Variants in LRRC37A observed in about 807,000 individuals in gnomAD.
LRRC37A encodes leucine-rich repeat-containing protein 37A.
In LRRC37A, 3 loss-of-function variants were observed where a neutral mutation model predicts 35.4. The ratio of observed to expected loss-of-function variants is 0.08; its 90% CI spans 0.04 to 0.22. The LOEUF (loss-of-function observed/expected upper bound fraction) is 0.22. Among genes scored for constraint, LRRC37A ranks in the 10% least tolerant of loss-of-function variants. LRRC37A has a pLI of 1.00. For missense variants in LRRC37A, 67 were observed against 565.3 expected (o/e 0.12, Z 8.94); for synonymous variants, 23 against 215.0 (o/e 0.11, Z 7.81).
the LRRC37A span, chr17:46,268,776 C>T: frequency 9.6e-7 from 1 of 1,037,274 alleles, no homozygotes; most frequent in Non-Finnish European, 1.3e-6. Flanking sequence ...ATGGGTCCTC[C>T]TTTAGAAGAG....
chr17:46,289,737 G>A, upstream of LRRC37A, among the ~76,000 whole-genome samples: 1 of 152,142 alleles, frequency 6.6e-6, no homozygotes, highest in Non-Finnish European at 1.5e-5. Context: ...AAATCTTATA[G>A]TCTCTCAGAA....
At chr17:46,265,320 T>G in the LRRC37A span, among the ~76,000 whole-genome samples, 1 of 142,674 alleles carries the variant, frequency 7.0e-6, no homozygotes, top group South Asian at 2.3e-4. Context: ...TTCTTCCTCT[T>G]CTTCTTTTTT....
chr17:46,288,229 C>T (rs539913818), upstream of LRRC37A, among the ~76,000 whole-genome samples: 3 of 152,042 alleles, frequency 2.0e-5, no homozygotes, highest in East Asian at 5.8e-4. Context: ...GCAGCCTGGA[C>T]CTCCCAGGCT....
the LRRC37A span, chr17:46,268,615 G>A: frequency 6.4e-7 from 1 of 1,551,220 alleles, no homozygotes; most frequent in Non-Finnish European, 8.7e-7. Flanking sequence ...CTGCTGAGGA[G>A]CAGCAGCAGC....
chr17:46,257,255 T>G, the LRRC37A span, among the ~76,000 whole-genome samples: 9 of 151,778 alleles, frequency 5.9e-5, no homozygotes, highest in African/African-American at 2.2e-4. Context: ...AAGACCAGAC[T>G]GGCCAACATG....
rs373633734 is a variant in LRRC37A at position 46,332,922 on chromosome 17, A to G, written c.4809+266A>G. On this transcript the variant is annotated intron_variant, in intron 10 of 13. Transcript: ENST00000320254. Reference sequence around the variant, plus strand: ...TTTAAGAAGTCGATATAATAGCAAAATTTCTCCCACCCAAAACTATGTCAA... The same window carrying G: ...TTTAAGAAGTCGATATAATAGCAAAGTTTCTCCCACCCAAAACTATGTCAA... Among the ~76,000 whole-genome samples, 17 of 151,554 alleles carry G rather than the reference A, an allele frequency of 1.1e-4. 1 individual carries two copies. The East Asian group carries it at 1.7e-3, about 16-fold the overall frequency.
the LRRC37A span, chr17:46,267,612 T>C: frequency 2.0e-6 from 3 of 1,538,340 alleles, no homozygotes; most frequent in Non-Finnish European, 2.7e-6. Context: ...CGTCCAGTCT[T>C]TTTTTGGGAC....
rs375082199 is a variant in LRRC37A at position 46,330,964 on chromosome 17, C to T, written c.3687C>T (p.Asn1229=). The change falls in exon 9 of 14, where the codon AAC becomes AAT. Residue 1229 remains asparagine (N), a synonymous_variant. Transcript: ENST00000320254. ...AGGGGCCTGAGAAGTTAGCGGGAAACGCCGTCTACACCAAGCCTTCGTTCA... is the reference window on the plus strand; with the variant it reads ...AGGGGCCTGAGAAGTTAGCGGGAAATGCCGTCTACACCAAGCCTTCGTTCA... 1.2e-5 allele frequency: 9 copies of T among 724,840 alleles called. 1 individual carries two copies. In the African/African-American group the frequency reaches 1.3e-4, roughly 11 times the overall value. The allele number at this position is 724,840 out of a possible 1,614,324, so 44.9% of individuals were successfully genotyped here.
chr17:46,277,203 TA>T, the LRRC37A span, among the ~76,000 whole-genome samples: 8,579 of 133,260 alleles, frequency 0.064, no homozygotes, highest in Middle Eastern at 0.1. Context: ...AAAAGCTACA[TA>T]AAATAACCAG....
the LRRC37A span, among the ~76,000 whole-genome samples, chr17:46,262,460 G>A: frequency 2.0e-5 from 3 of 152,118 alleles, no homozygotes; most frequent in South Asian, 2.1e-4. Flanking sequence ...CTATCTGCTC[G>A]CTTCAGCTTC....
Position 46,330,957 on chromosome 17 carries a change from C to T in LRRC37A, c.3680C>T (p.Ala1227Val). 5 of 724,856 alleles carry T rather than the reference C, an allele frequency of 6.9e-6. 2 individuals carry two copies. The highest frequency in any genetic ancestry group is 2.8e-5 in the South Asian group (1 of 35,972). 44.9% of individuals were successfully genotyped at this position (724,856 alleles called of 1,614,324 possible). Residue 1227 changes from alanine to valine, a missense_variant, in exon 9 of 14, where the codon GCG (alanine) becomes GTG (valine). By Grantham distance (64) the Ala-to-Val change is moderately conservative. Transcript: ENST00000320254. Reference sequence around the variant, plus strand: ...ACACAGCAGGGGCCTGAGAAGTTAGCGGGAAACGCCGTCTACACCAAGCCT... The same window carrying T: ...ACACAGCAGGGGCCTGAGAAGTTAGTGGGAAACGCCGTCTACACCAAGCCT...
chr17:46,250,337 T>G, the LRRC37A span, among the ~76,000 whole-genome samples: 2 of 152,232 alleles, frequency 1.3e-5, no homozygotes, highest in African/African-American at 4.8e-5. Context: ...TGATGGTTAA[T>G]ACTGAGTGCC....
chr17:46,273,538 G>A, the LRRC37A span, among the ~76,000 whole-genome samples: 1 of 152,196 alleles, frequency 6.6e-6, no homozygotes, highest in Non-Finnish European at 1.5e-5. Context: ...TGCATAGCAG[G>A]GAAACGTTGA....
chr17:46,287,395 A>G, the LRRC37A span, among the ~76,000 whole-genome samples: 1 of 152,268 alleles, frequency 6.6e-6, no homozygotes, highest in Non-Finnish European at 1.5e-5. Flanking sequence ...ATAGGTTTAA[A>G]AATGTATCTC....
At chr17:46,258,205 A>G in the LRRC37A span, among the ~76,000 whole-genome samples, 1 of 152,012 alleles carries the variant, frequency 6.6e-6, no homozygotes, top group African/African-American at 2.4e-5. Flanking sequence ...CTAAGTCATT[A>G]TATGAAAGAG....
chr17:46,282,429 T>A, the LRRC37A span, among the ~76,000 whole-genome samples: 2 of 151,326 alleles, frequency 1.3e-5, no homozygotes. Context: ...TTTTTTTTTT[T>A]AAACAGGCAA....
At chr17:46,265,207 TTTCTC>T in the LRRC37A span, among the ~76,000 whole-genome samples, 1 of 152,146 alleles carries the variant, frequency 6.6e-6, no homozygotes, top group African/African-American at 2.4e-5. Context: ...ATTTGGCAAA[TTTCTC>T]TTCTTTGATT....
In LRRC37A at chr17:46,334,821, G is replaced by GA. The variant is rs1373628332; in HGVS notation, c.4810-723dup. 38 of 132,326 alleles carry GA rather than the reference G, an allele frequency of 2.9e-4. 1 individual carries two copies. Among genetic ancestry groups the GA allele is most frequent in the African/African-American group, 9.2e-4 (35 of 37,870 alleles). The allele number at this position is 132,326 out of a possible 1,614,324, so 8.2% of individuals were successfully genotyped here. ...CTTCATCAGCAGGTCCACATCTTCA[G>GA]ATTCAACTAGATCAGGCTGAATATT... On this transcript the variant is annotated intron_variant, in intron 10 of 13. Coordinates refer to ENST00000320254, the Ensembl canonical transcript of LRRC37A.
intron 5 of LRRC37A, among the ~76,000 whole-genome samples, chr17:46,308,012 A>AAATAATAATAATAATAT (rs1567865476): frequency 1.6e-3 from 119 of 73,150 alleles, no homozygotes; most frequent in African/African-American, 4.1e-3. Flanking sequence ...ACTCTGTCTC[A>AAATAATAATAATAATAT]AATAATAATA....
Sources: allele counts gnomAD v4.1 joint callset (sites outside exome capture counted in the v4.1 genomes callset), GRCh38; gene constraint gnomAD v4.1.1; transcripts MANE v1.5; gene names NCBI Gene and HGNC (gene_info 2026-07-23, HGNC 2026-07-21).